CSMD1: variants seen among roughly 807,000 people sequenced by gnomAD.
CSMD1 encodes the protein CUB and Sushi multiple domains 1.
In CSMD1, 213 loss-of-function variants were observed where a neutral mutation model predicts 417.5. The ratio of observed to expected loss-of-function variants is 0.51; its 90% CI spans 0.46 to 0.57. The LOEUF is 0.57. Among genes scored for constraint, CSMD1 ranks in the 20% least tolerant of loss-of-function variants. CSMD1 has a pLI of 0.00. For missense variants in CSMD1, 6,923 were observed against 4,529.7 expected, an observed-to-expected ratio of 1.53 and a Z score of -15.17; for synonymous variants, 2,862 against 1,736.8, an observed-to-expected ratio of 1.65 and a Z score of -16.11.
intron 12 of CSMD1, among the ~76,000 whole-genome samples, chr8:3,424,818 T>C (rs952239831): frequency 3.9e-5 from 6 of 152,192 alleles, no homozygotes; most frequent in African/African-American, 7.2e-5. Flanking sequence ...AATTGGCATA[T>C]TGTTATCATC....
At chr8:4,961,908 C>G (rs1017698622) in intron 1 of CSMD1, among the ~76,000 whole-genome samples, 1 of 151,214 alleles carries the variant, frequency 6.6e-6, no homozygotes, top group Non-Finnish European at 1.5e-5. Context: ...CCTTTTTTTT[C>G]CAATCTATTA....
intron 16 of CSMD1, among the ~76,000 whole-genome samples, chr8:3,397,614 C>T (rs1334448640): frequency 1.3e-5 from 2 of 152,196 alleles, no homozygotes; most frequent in Non-Finnish European, 1.5e-5. Context: ...AAATCTTTTT[C>T]TTAAAACTGA....
At chr8:4,078,891 TAA>T (rs1259861364) in intron 3 of CSMD1, among the ~76,000 whole-genome samples, 37 of 109,606 alleles carry the variant, frequency 3.4e-4, no homozygotes, top group African/African-American at 1.1e-3. Context: ...ATAATAATAA[TAA>T]TAAATATATA....
At chr8:3,864,113 G>C (rs919825611) in intron 5 of CSMD1, among the ~76,000 whole-genome samples, 6 of 151,872 alleles carry the variant, frequency 4.0e-5, no homozygotes, top group Non-Finnish European at 7.4e-5. Context: ...TTTTAAAGCT[G>C]TTGATATTTT....
chr8:4,167,920 G>A (rs1392447694), intron 3 of CSMD1, among the ~76,000 whole-genome samples: 1 of 151,936 alleles, frequency 6.6e-6, no homozygotes, highest in Admixed American at 6.6e-5. Flanking sequence ...CTGAGGTCAG[G>A]AGTTCAAGAC....
chr8:4,527,666 T>C (rs1035734597), intron 2 of CSMD1, among the ~76,000 whole-genome samples: 1 of 152,176 alleles, frequency 6.6e-6, no homozygotes, highest in Non-Finnish European at 1.5e-5. Context: ...TGAAAGTACA[T>C]AGCAGAGAGT....
At chr8:4,391,612 C>G (rs997168656) in intron 3 of CSMD1, among the ~76,000 whole-genome samples, 1 of 151,984 alleles carries the variant, frequency 6.6e-6, no homozygotes, top group African/African-American at 2.4e-5. Flanking sequence ...TGACTCCAGA[C>G]CAAGCAGAGG....
intron 3 of CSMD1, among the ~76,000 whole-genome samples, chr8:4,058,454 C>T (rs2554519): frequency 0.94 from 142,754 of 152,170 alleles, 67,026 homozygotes; most frequent in East Asian, 0.99. Flanking sequence ...TGGGGTTTTC[C>T]AGATACACAA....
chr8:4,317,617 A>AAG (rs1335652262), intron 3 of CSMD1, among the ~76,000 whole-genome samples: 2 of 326 alleles, frequency 6.1e-3, no homozygotes, highest in African/African-American at 0.022. Context: ...GAGAGAGAGA[A>AAG]AGAGAGAGAG....
chr8:3,551,243 A>T (rs995810270), intron 10 of CSMD1, among the ~76,000 whole-genome samples: 1 of 152,226 alleles, frequency 6.6e-6, no homozygotes, highest in African/African-American at 2.4e-5. Flanking sequence ...AAATTTCTCA[A>T]GAAATATTAA....
intron 5 of CSMD1, among the ~76,000 whole-genome samples, chr8:3,761,553 T>A (rs1205095316): frequency 7.1e-6 from 1 of 140,140 alleles, no homozygotes; most frequent in Non-Finnish European, 1.5e-5. Context: ...TCACCCAGGC[T>A]GGAGTGAAAT....
At chr8:3,108,569 T>G (rs1411054830) in intron 44 of CSMD1, 34 bp downstream of exon 44, 1 of 1,608,956 alleles carries the variant, frequency 6.2e-7, no homozygotes. Context: ...CATGGAATTC[T>G]CAGTCTTAAC....
chr8:3,701,780 T>C (rs1800885132), intron 7 of CSMD1, among the ~76,000 whole-genome samples: 1 of 152,186 alleles, frequency 6.6e-6, no homozygotes, highest in African/African-American at 2.4e-5. Context: ...CATCACTTTA[T>C]GTGGCCTTCT....
Position 4,188,478 on chromosome 8 carries a change from T to C in CSMD1, c.416-156379A>G, listed in dbSNP as rs550209530. On this transcript the variant is annotated intron_variant, in intron 3 of 69. Transcript: ENST00000635120. ...AAACTTTATTTTGGAAAAGGGTCCATCAACCATGGTTAAACCTGGTCACAA... is the reference window on the plus strand; with the variant it reads ...AAACTTTATTTTGGAAAAGGGTCCACCAACCATGGTTAAACCTGGTCACAA... Among the ~76,000 whole-genome samples the C allele has an allele frequency of 2.0e-5, 3 of 152,288 alleles. No homozygotes were observed. The East Asian group carries it at 5.8e-4, about 29-fold the overall frequency.
intron 10 of CSMD1, among the ~76,000 whole-genome samples, chr8:3,567,985 T>C (rs1189216331): frequency 2.0e-5 from 3 of 152,204 alleles, no homozygotes; most frequent in African/African-American, 7.2e-5. Context: ...CCAGCATTTG[T>C]GGGAATTCAT....
intron 67 of CSMD1, 124 bp downstream of exon 67, chr8:2,950,107 G>C (rs1309800585): frequency 1.2e-5 from 8 of 643,896 alleles, no homozygotes; most frequent in Non-Finnish European, 2.0e-5. Flanking sequence ...AGGGGCAGCT[G>C]AGTTTTCAAG....
At chr8:4,622,297 G>C (rs949450336) in intron 2 of CSMD1, among the ~76,000 whole-genome samples, 1 of 152,114 alleles carries the variant, frequency 6.6e-6, no homozygotes, top group Non-Finnish European at 1.5e-5. Flanking sequence ...GCTGGCTGAG[G>C]AGGGAGGATT....
intron 11 of CSMD1, among the ~76,000 whole-genome samples, chr8:3,475,070 C>A (rs1162143781): frequency 6.6e-6 from 1 of 152,076 alleles, no homozygotes; most frequent in Non-Finnish European, 1.5e-5. Flanking sequence ...TTCTCCGTTC[C>A]CAGGGCTTTG....
chr8:4,171,193 C>G (rs1048566778), intron 3 of CSMD1, among the ~76,000 whole-genome samples: 2 of 151,842 alleles, frequency 1.3e-5, no homozygotes, highest in South Asian at 2.1e-4. Context: ...CCATCACCAT[C>G]ACAGACCTGT....
Sources: gnomAD v4.1 joint callset for allele counts (sites outside exome capture counted in the v4.1 genomes callset) on GRCh38, gnomAD v4.1.1 for gene constraint, MANE v1.5 for transcripts, NCBI Gene and HGNC (gene_info 2026-07-23, HGNC 2026-07-21) for gene names.